The following SHISAL2B variants were observed in gnomAD, a reference collection of about 807,000 sequenced individuals.
SHISAL2B encodes protein shisa-like-2B.
Under a neutral mutation model 16.5 loss-of-function variants are expected in SHISAL2B, and 12 were observed. The observed-to-expected ratio is 0.73, with a 90% CI of 0.47 to 1.18. The LOEUF (loss-of-function observed/expected upper bound fraction) is 1.18, where lower values mean the gene tolerates loss of function less well. SHISAL2B is among the 50% of genes most tolerant of loss of function. The pLI, the probability that SHISAL2B is intolerant of heterozygous loss-of-function variation, is 0.00. For missense variants in SHISAL2B, 183 were observed against 193.6 expected (o/e 0.95, Z 0.33); for synonymous variants, 72 against 75.0 (o/e 0.96, Z 0.21).
At chr5:64,713,210 C>T (rs1741984937) in intron 2 of SHISAL2B, among the ~76,000 whole-genome samples, 1 of 148,764 alleles carries the variant, frequency 6.7e-6, no homozygotes, top group South Asian at 2.2e-4. Flanking sequence ...GTGCTTCCTT[C>T]AGGAGCTCTT....
At chr5:64,698,219 C>G (rs1561374601) in intron 2 of SHISAL2B, among the ~76,000 whole-genome samples, 2 of 152,174 alleles carry the variant, frequency 1.3e-5, no homozygotes, top group African/African-American at 4.8e-5. Flanking sequence ...CATTTTAAAA[C>G]AAGTAGCTCC....
intron 2 of SHISAL2B, among the ~76,000 whole-genome samples, chr5:64,704,759 A>G (rs1741853443): frequency 1.3e-5 from 2 of 150,982 alleles, no homozygotes; most frequent in African/African-American, 2.5e-5. Flanking sequence ...ACTAGTTTCT[A>G]TTTATTAAAA....
chr5:64,711,986 C>G (rs1444782073), intron 2 of SHISAL2B, among the ~76,000 whole-genome samples: 1 of 47,544 alleles, frequency 2.1e-5, no homozygotes, highest in African/African-American at 8.8e-5. Context: ...TTTCAAAAAA[C>G]CAGCTCCTGG....
intron 2 of SHISAL2B, among the ~76,000 whole-genome samples, chr5:64,704,525 C>G (rs1289641728): frequency 1.3e-5 from 2 of 152,158 alleles, no homozygotes; most frequent in East Asian, 3.9e-4. Flanking sequence ...AAATAAGTAG[C>G]AGGCAGCAGG....
intron 1 of SHISAL2B, among the ~76,000 whole-genome samples, chr5:64,694,541 C>T (rs919170398): frequency 6.6e-5 from 10 of 152,130 alleles, no homozygotes; most frequent in African/African-American, 1.4e-4. Context: ...CTGCATCAGA[C>T]GGAATCATTA....
intron 2 of SHISAL2B, among the ~76,000 whole-genome samples, chr5:64,702,623 G>A (rs1411870478): frequency 6.6e-6 from 1 of 151,636 alleles, no homozygotes; most frequent in South Asian, 2.1e-4. Flanking sequence ...ATATAATATA[G>A]TTACCTATAT....
chr5:64,700,524 C>T (rs1455346065), intron 2 of SHISAL2B, among the ~76,000 whole-genome samples: 1 of 152,200 alleles, frequency 6.6e-6, no homozygotes, highest in African/African-American at 2.4e-5. Context: ...CATTCTCCCA[C>T]CTCAGCCTCC....
intron 2 of SHISAL2B, among the ~76,000 whole-genome samples, chr5:64,696,270 C>T (rs1741733092): frequency 6.6e-6 from 1 of 152,156 alleles, no homozygotes; most frequent in Non-Finnish European, 1.5e-5. Flanking sequence ...ATCCTGTTAT[C>T]TTCGTAAGCT....
chr5:64,692,956 A>C (rs1741671831), intron 1 of SHISAL2B, among the ~76,000 whole-genome samples: 1 of 152,082 alleles, frequency 6.6e-6, no homozygotes, highest in Admixed American at 6.5e-5. Context: ...CTGGAGCTCC[A>C]TCTTTTCTGA....
At chr5:64,714,994 C>G (rs1433443751) in intron 2 of SHISAL2B, among the ~76,000 whole-genome samples, 2 of 152,120 alleles carry the variant, frequency 1.3e-5, no homozygotes, top group African/African-American at 4.8e-5. Context: ...CAGAAATCAC[C>G]CGTCTTCTGC....
chr5:64,693,043 T>G (rs1741675706), intron 1 of SHISAL2B, among the ~76,000 whole-genome samples: 1 of 152,078 alleles, frequency 6.6e-6, no homozygotes, highest in South Asian at 2.1e-4. Flanking sequence ...GGTCTCACTC[T>G]GTCGCCCAGG....
intron 1 of SHISAL2B, among the ~76,000 whole-genome samples, chr5:64,695,279 A>AG (rs1741717084): frequency 1.3e-5 from 2 of 151,502 alleles, no homozygotes; most frequent in African/African-American, 4.9e-5. Flanking sequence ...AAAAAAAAAA[A>AG]GTAATGTGTA....
chr5:64,701,292 C>T lies in SHISAL2B; in HGVS notation c.349+5628C>T, dbSNP rs1580521507. On this transcript the variant is annotated intron_variant, in intron 2 of 2. Coordinates refer to ENST00000389074, the MANE Select transcript of SHISAL2B (RefSeq NM_001164442.2). ...TGTGAGAGAAAGGAGCCTGTGTCTC[C>T]AGAATTCTAAGGGCTAGAGTAGAAA... Among the ~76,000 whole-genome samples the T allele has an allele frequency of 2.6e-5, 4 of 152,272 alleles. No individual in the cohort carries two copies. In the South Asian group the frequency reaches 6.2e-4, roughly 24 times the overall value.
At chr5:64,696,136 T>C (rs756035428) in intron 2 of SHISAL2B, among the ~76,000 whole-genome samples, 39 of 152,230 alleles carry the variant, frequency 2.6e-4, no homozygotes, top group Non-Finnish European at 4.4e-4. Flanking sequence ...TAATTTCTTA[T>C]GCCTGTCTTT....
intron 2 of SHISAL2B, among the ~76,000 whole-genome samples, chr5:64,716,822 A>T (rs1223637726): frequency 6.6e-6 from 1 of 152,212 alleles, no homozygotes; most frequent in Admixed American, 6.5e-5. Context: ...CATGTAGGCC[A>T]CTGTATAAGA....
intron 2 of SHISAL2B, among the ~76,000 whole-genome samples, chr5:64,704,216 C>A (rs1387149999): frequency 6.6e-6 from 1 of 152,164 alleles, no homozygotes; most frequent in East Asian, 1.9e-4. Flanking sequence ...AAGATAAAGA[C>A]CTGCAGAAGT....
At chr5:64,717,797 A>G (rs1742077966) in intron 2 of SHISAL2B, 92 bp from the exon 3 acceptor site, 3 of 1,140,032 alleles carry the variant, frequency 2.6e-6, no homozygotes, top group East Asian at 5.4e-5. Context: ...CATATTTTCA[A>G]TATTGCTACA....
At chr5:64,712,727 A>G (rs2112072355) in intron 2 of SHISAL2B, among the ~76,000 whole-genome samples, 1 of 152,222 alleles carries the variant, frequency 6.6e-6, no homozygotes, top group African/African-American at 2.4e-5. Flanking sequence ...GTGCTCCTGT[A>G]TTGGGTGCAT....
rs76047322 is a variant in SHISAL2B at position 64,699,795 on chromosome 5, A to C, written c.349+4131A>C. Among the ~76,000 whole-genome samples, 195 of 152,328 alleles carry C rather than the reference A, an allele frequency of 1.3e-3. 1 individual carries two copies. The highest frequency in any genetic ancestry group is 4.5e-3 in the African/African-American group (189 of 41,576). Reference sequence around the variant, plus strand: ...AAATGACAAGAGTCTAAACTAGTCTAATATTAGACTATTTTGCCAAGATTT... The same window carrying C: ...AAATGACAAGAGTCTAAACTAGTCTCATATTAGACTATTTTGCCAAGATTT... On this transcript the variant is annotated intron_variant, in intron 2 of 2. Transcript: ENST00000389074.
Sources: allele counts gnomAD v4.1 joint callset (sites outside exome capture counted in the v4.1 genomes callset), GRCh38; gene constraint gnomAD v4.1.1; transcripts MANE v1.5; gene names NCBI Gene and HGNC (gene_info 2026-07-23, HGNC 2026-07-21).